Variants in NT5E observed in about 807,000 individuals in gnomAD.
NT5E encodes the protein 5'-nucleotidase.
In NT5E, 53 loss-of-function variants were observed where a neutral mutation model predicts 55.1. The observed-to-expected ratio is 0.96, with a 90% CI of 0.77 to 1.21. The LOEUF (loss-of-function observed/expected upper bound fraction) is 1.21. NT5E is among the 50% of genes most tolerant of loss of function. The pLI is 0.00. For synonymous variants in NT5E, 270 were observed against 278.4 expected (o/e 0.97, Z 0.30); for missense variants, 683 against 724.3 (o/e 0.94, Z 0.65).
intron 8 of NT5E, 110 bp downstream of exon 8, chr6:85,492,287 C>T: frequency 2.1e-6 from 2 of 939,532 alleles, no homozygotes; most frequent in South Asian, 1.4e-5. Flanking sequence ...TGCTGACTCC[C>T]TCCTGCTTTG....
intron 5 of NT5E, 109 bp downstream of exon 5, chr6:85,487,598 T>G: frequency 1.4e-6 from 2 of 1,422,350 alleles, no homozygotes; most frequent in Non-Finnish European, 2.0e-6. Flanking sequence ...ATGAGGGATT[T>G]CAAAACATTT....
At chr6:85,465,260 G>C (rs952871611) in intron 1 of NT5E, among the ~76,000 whole-genome samples, 2 of 152,200 alleles carry the variant, frequency 1.3e-5, no homozygotes, top group Non-Finnish European at 2.9e-5. Context: ...TATAACTTCA[G>C]TTATTGCCAA....
chr6:85,485,033 G>A (rs1769620844), intron 3 of NT5E, among the ~76,000 whole-genome samples: 1 of 152,210 alleles, frequency 6.6e-6, no homozygotes. Context: ...CTGCTGAGTT[G>A]AGAATGGTAG....
chr6:85,457,797 A>G (rs1393793208), intron 1 of NT5E, among the ~76,000 whole-genome samples: 6 of 152,202 alleles, frequency 3.9e-5, no homozygotes, highest in Admixed American at 3.9e-4. Context: ...GATAGCGATC[A>G]GGACCTGCTA....
chr6:85,469,645 T>C (rs1769264634), intron 2 of NT5E, among the ~76,000 whole-genome samples: 2 of 152,194 alleles, frequency 1.3e-5, no homozygotes, highest in African/African-American at 4.8e-5. Flanking sequence ...CCTGGGCTTC[T>C]TGGGGCAACC....
At position 85,492,326 on chromosome 6, in the gene NT5E, C is replaced by T. The variant is rs1167211817; in HGVS notation, c.1561+149C>T. The T allele has an allele frequency of 2.4e-5, 16 of 676,236 alleles. No homozygotes were observed. The Admixed American group carries it at 2.4e-4, about 10-fold the overall frequency. The allele number at this position is 676,236 out of a possible 1,614,324, so 41.9% of individuals were successfully genotyped here. ...GTTGGAAAGCAGCAGCACAGCACAG[C>T]AGAGAGGAATATGTACCCTGTCAAT... On this transcript the variant is annotated intron_variant, in intron 8 of 8. Coordinates refer to ENST00000257770, the MANE Select transcript of NT5E (RefSeq NM_002526.4).
At chr6:85,491,662 T>C (rs1769787113) in intron 7 of NT5E, among the ~76,000 whole-genome samples, 1 of 152,250 alleles carries the variant, frequency 6.6e-6, no homozygotes, top group Admixed American at 6.5e-5. Context: ...TCTAAGGCCA[T>C]TGAATCAATT....
rs1769689407 is a variant in NT5E, at chr6:85,487,368, G to A, written c.983G>A (p.Arg328Lys). 7 of 1,613,478 alleles carry A rather than the reference G, an allele frequency of 4.3e-6. No homozygotes were observed. The highest frequency in any genetic ancestry group is 5.9e-6 in the Non-Finnish European group (7 of 1,179,426). ...PSIKADINKW[R>K]IKLDNYSTQE... ...ATAAAAGCAGACATTAACAAATGGA[G>A]GATAAAATTGGATAATTATTCTACC... The change falls in exon 5 of 9, where the codon AGG becomes AAG. Residue 328 changes from arginine (R) to lysine (K), a missense_variant. Arg to Lys is a conservative substitution (Grantham distance 26, BLOSUM62 2). Coordinates refer to ENST00000257770, the MANE Select transcript of NT5E (RefSeq NM_002526.4).
rs758115344 is a variant in NT5E, at chr6:85,490,505, C to T, written c.1211-3C>T. On this transcript the variant is annotated splice_polypyrimidine_tract_variant and splice_region_variant and intron_variant, in intron 6 of 8. Transcript: ENST00000257770. ...TTCTTGCCTCATCTGTGACTACCCT[C>T]AGGCACAATTACCTGGGAGAACCTG... 6.2e-7 allele frequency: 1 copy of T among 1,614,224 alleles called. No individual in the cohort carries two copies.
At chr6:85,472,360 A>G (rs1011612580) in intron 3 of NT5E, among the ~76,000 whole-genome samples, 8 of 152,240 alleles carry the variant, frequency 5.3e-5, no homozygotes, top group African/African-American at 1.9e-4. Flanking sequence ...AAAAACATTA[A>G]AAGGGATTAT....
intron 1 of NT5E, among the ~76,000 whole-genome samples, chr6:85,462,125 A>C (rs1294623465): frequency 6.6e-6 from 1 of 151,148 alleles, no homozygotes; most frequent in Non-Finnish European, 1.5e-5. Flanking sequence ...TCACCTCCCC[A>C]CCACATTCCC....
Position 85,485,122 on chromosome 6 carries a change from A to AT in NT5E, c.752-113_752-112insT, listed in dbSNP as rs1769622422. ...TGAAAGACTAGCTATGTAGAGCAACAGATGGCAAATCATCAATTTAAAACT... is the reference window on the plus strand; with the variant it reads ...TGAAAGACTAGCTATGTAGAGCAACATGATGGCAAATCATCAATTTAAAACT... On this transcript the variant is annotated intron_variant, in intron 3 of 8. Coordinates refer to ENST00000257770, the MANE Select transcript of NT5E (RefSeq NM_002526.4). 4 of 1,005,330 alleles carry AT rather than the reference A, an allele frequency of 4.0e-6. No individual in the cohort carries two copies. In the East Asian group the frequency reaches 1.0e-4, roughly 26 times the overall value. 62.3% of individuals were successfully genotyped at this position (1,005,330 alleles called of 1,614,324 possible).
At chr6:85,452,411 C>T (rs760670305) in intron 1 of NT5E, among the ~76,000 whole-genome samples, 10 of 152,180 alleles carry the variant, frequency 6.6e-5, no homozygotes, top group Non-Finnish European at 1.3e-4. Flanking sequence ...TATGACAGGA[C>T]ATCTAGGTGA....
At chr6:85,451,895 G>T (rs1768867061) in intron 1 of NT5E, among the ~76,000 whole-genome samples, 1 of 152,190 alleles carries the variant, frequency 6.6e-6, no homozygotes, top group Admixed American at 6.5e-5. Context: ...CAACAAGAAA[G>T]CTCATTTTAA....
chr6:85,469,911 G>A (rs1037541860), intron 2 of NT5E, among the ~76,000 whole-genome samples: 6 of 152,194 alleles, frequency 3.9e-5, no homozygotes, highest in Non-Finnish European at 8.8e-5. Context: ...GAAGCACACA[G>A]ACATTCCTAA....
At chr6:85,457,445 A>T (rs1180267298) in intron 1 of NT5E, among the ~76,000 whole-genome samples, 1 of 152,114 alleles carries the variant, frequency 6.6e-6, no homozygotes, top group Non-Finnish European at 1.5e-5. Flanking sequence ...TCTTGCTTCT[A>T]ATCTGCCTAC....
At chr6:85,471,478 T>G (rs763498806) in intron 3 of NT5E, 53 bp downstream of exon 3, 1 of 1,521,188 alleles carries the variant, frequency 6.6e-7, no homozygotes, top group Non-Finnish European at 9.1e-7. Context: ...AAGCACTGTG[T>G]CTCTTTTGCC....
chr6:85,456,274 C>G (rs1768989678), intron 1 of NT5E, among the ~76,000 whole-genome samples: 1 of 152,208 alleles, frequency 6.6e-6, no homozygotes, highest in Non-Finnish European at 1.5e-5. Context: ...CATCTCTTCA[C>G]TTGCTTGTTC....
intron 2 of NT5E, among the ~76,000 whole-genome samples, chr6:85,470,213 A>G (rs991676657): frequency 1.3e-5 from 2 of 152,166 alleles, no homozygotes; most frequent in African/African-American, 2.4e-5. Context: ...AGCTTCCTCA[A>G]ATGTGGCTAA....
Sources: gnomAD v4.1 joint callset for allele counts (sites outside exome capture counted in the v4.1 genomes callset) on GRCh38, gnomAD v4.1.1 for gene constraint, MANE v1.5 for transcripts, NCBI Gene and HGNC (gene_info 2026-07-23, HGNC 2026-07-21) for gene names.